DDO: variants seen among roughly 807,000 people sequenced by gnomAD.
The protein encoded by DDO is D-aspartate oxidase.
A neutral mutation model predicts 16.8 loss-of-function variants in DDO; 16 were observed. That is an observed-to-expected ratio of 0.95 (90% CI 0.65 to 1.45). The LOEUF is 1.45. Ranked by LOEUF, DDO falls within the 40% of genes most tolerant of loss-of-function variation. The pLI, the probability that DDO is intolerant of heterozygous loss-of-function variation, is 0.00. For synonymous variants in DDO, 180 were observed against 167.2 expected, an observed-to-expected ratio of 1.08 and a Z score of -0.59; for missense variants, 429 against 420.3, an observed-to-expected ratio of 1.02 and a Z score of -0.18.
intron 3 of DDO, among the ~76,000 whole-genome samples, chr6:110,406,956 T>TA (rs1216794671): frequency 6.6e-6 from 1 of 152,244 alleles, no homozygotes; most frequent in Non-Finnish European, 1.5e-5. Flanking sequence ...CTAGAGACCA[T>TA]AAGCTACATA....
In DDO at chr6:110,393,270, G is replaced by T; in HGVS notation, c.531C>A (p.Asp177Glu). The T allele has an allele frequency of 6.2e-7, 1 of 1,613,938 alleles. No individual in the cohort carries two copies. The highest frequency in any genetic ancestry group is 8.5e-7 in the Non-Finnish European group (1 of 1,179,846). Residue 177 changes from aspartate (D) to glutamate (E), a missense_variant, in exon 5 of 5, where the codon GAC becomes GAA. By Grantham distance (45) the Asp-to-Glu change is conservative. Coordinates refer to ENST00000368924, the MANE Select transcript of DDO (RefSeq NM_001372108.2). ...EDLWELHPSF[D>E]IVVNCSGLGS... ...CAAGGCCTGAACAGTTGACCACGAT[G>T]TCAAAGGACGGATGAAGTTCCCACA...
chr6:110,393,320 T>TCCAGCCTCCACTTCCCTTTATC lies in DDO; in HGVS notation c.459_480dup (p.Thr161AspfsTer24). The TCCAGCCTCCACTTCCCTTTATC allele has an allele frequency of 6.2e-7, 1 of 1,604,452 alleles. No individual in the cohort carries two copies. Among genetic ancestry groups the TCCAGCCTCCACTTCCCTTTATC allele is most frequent in the Non-Finnish European group, 8.5e-7 (1 of 1,173,126 alleles). On this transcript the variant is annotated frameshift_variant, in exon 5 of 5. Transcript: ENST00000368924. LOFTEE classifies it low-confidence loss of function (END_TRUNC). ...AGGTCTTCTATTCGCCGAGTGAGTG[T>TCCAGCCTCCACTTCCCTTTATC]CCAGCCTCCACTTCCCTTTATCCTA...
At chr6:110,405,096 G>T in intron 3 of DDO, 146 bp from the exon 4 acceptor site, 1 of 787,566 alleles carries the variant, frequency 1.3e-6, no homozygotes, top group Non-Finnish European at 2.0e-6. Flanking sequence ...GAGTGCAGTG[G>T]CACAATCATG....
In DDO at chr6:110,408,464, A is replaced by ACATTG. The variant is rs778648603; in HGVS notation, c.173-23_173-22insCAATG. The ACATTG allele has an allele frequency of 8.1e-6, 13 of 1,602,736 alleles. No homozygotes were observed. The Admixed American group carries it at 1.0e-4, about 12-fold the overall frequency. On this transcript the variant is annotated intron_variant, in intron 2 of 4. Coordinates refer to ENST00000368924, the MANE Select transcript of DDO (RefSeq NM_001372108.2). The stretch of plus-strand genomic sequence containing the variant: ...GTATCTGTAATCATGGAGAAAAGCA[A>ACATTG]AGTGGAACAGAAAGGAAAATGATGA...
In DDO at chr6:110,415,447, G is replaced by A; in HGVS notation, c.-5+20C>T. 1.2e-6 allele frequency: 2 copies of A among 1,613,880 alleles called. No homozygotes were observed. The highest frequency in any genetic ancestry group is 1.1e-5 in the South Asian group (1 of 91,050). On this transcript the variant is annotated intron_variant, in intron 1 of 4. Coordinates refer to ENST00000368924, the MANE Select transcript of DDO (RefSeq NM_001372108.2). ...GCATGGACGGAACGACCCCTCAGCT[G>A]AAAGCAAGAATTCAAGTACCTGTCT...
At chr6:110,389,778 G>A (rs146782277), downstream of DDO, among the ~76,000 whole-genome samples, 190 of 152,308 alleles carry the variant, frequency 1.2e-3, no homozygotes, top group African/African-American at 4.3e-3. Flanking sequence ...TGTGTGAATT[G>A]TTACAGAAGT....
chr6:110,411,194 A>G (rs1190374433), intron 2 of DDO, among the ~76,000 whole-genome samples: 2 of 152,116 alleles, frequency 1.3e-5, no homozygotes, highest in African/African-American at 4.8e-5. Context: ...ATGACATCAC[A>G]GATGTCCCCA....
At chr6:110,391,550 G>C (rs1165136414), downstream of DDO, among the ~76,000 whole-genome samples, 1 of 152,032 alleles carries the variant, frequency 6.6e-6, no homozygotes, top group Non-Finnish European at 1.5e-5. Flanking sequence ...GGCCAGGCTT[G>C]TCTTGAACTC....
chr6:110,406,948 A>G (rs1314889949), intron 3 of DDO, among the ~76,000 whole-genome samples: 4 of 152,222 alleles, frequency 2.6e-5, no homozygotes, highest in African/African-American at 9.6e-5. Flanking sequence ...TGCATTCCCT[A>G]GAGACCATAA....
At chr6:110,394,266 G>T (rs556699808) in intron 4 of DDO, among the ~76,000 whole-genome samples, 2 of 151,972 alleles carry the variant, frequency 1.3e-5, no homozygotes, top group Admixed American at 6.6e-5. Context: ...CACCATGCCC[G>T]GCTAATTTTT....
chr6:110,415,435 G>T, intron 1 of DDO, 32 bp downstream of exon 1: 1 of 1,613,018 alleles, frequency 6.2e-7, no homozygotes, highest in Non-Finnish European at 8.5e-7. Flanking sequence ...TGGACGGAAC[G>T]ACCCCTCAGC....
chr6:110,396,221 G>A (rs879786209), intron 4 of DDO, among the ~76,000 whole-genome samples: 4 of 152,190 alleles, frequency 2.6e-5, no homozygotes, highest in Non-Finnish European at 5.9e-5. Context: ...TCAAGCTGCT[G>A]GGCAGAGCTC....
intron 4 of DDO, among the ~76,000 whole-genome samples, chr6:110,403,413 A>T (rs1562262328): frequency 6.6e-6 from 1 of 152,180 alleles, no homozygotes; most frequent in South Asian, 2.1e-4. Context: ...CTCAGGAAAG[A>T]TGGTGATGCT....
intron 4 of DDO, among the ~76,000 whole-genome samples, chr6:110,398,822 A>T (rs553524780): frequency 2.0e-5 from 3 of 152,202 alleles, no homozygotes; most frequent in Non-Finnish European, 4.4e-5. Flanking sequence ...CAGGGCAAGT[A>T]GCTCAGTGTG....
Position 110,395,995 on chromosome 6 carries a change from C to T in DDO, c.459-2653G>A, listed in dbSNP as rs544653947. On this transcript the variant is annotated intron_variant, in intron 4 of 4. Coordinates refer to ENST00000368924, the MANE Select transcript of DDO (RefSeq NM_001372108.2). ...TTCAAGCCGAGATCCCGCCACTGCACTCAAGCCTAGGAGACAGAGCAAGAC... is the reference window on the plus strand; with the variant it reads ...TTCAAGCCGAGATCCCGCCACTGCATTCAAGCCTAGGAGACAGAGCAAGAC... Among the ~76,000 whole-genome samples, 7 of 152,210 alleles carry T rather than the reference C, an allele frequency of 4.6e-5. No homozygotes were observed. The East Asian group carries it at 1.4e-3, about 29-fold the overall frequency.
chr6:110,412,192 G>A (rs1773881093), intron 2 of DDO, among the ~76,000 whole-genome samples: 2 of 151,746 alleles, frequency 1.3e-5, no homozygotes, highest in South Asian at 2.1e-4. Context: ...GTTACAGTGA[G>A]TCAGTGAGCC....
chr6:110,394,108 A>AT (rs35107571), intron 4 of DDO, among the ~76,000 whole-genome samples: 46 of 147,982 alleles, frequency 3.1e-4, no homozygotes, highest in East Asian at 2.6e-3. Flanking sequence ...TCTTCAGAAT[A>AT]TTTTTTTTTT....
At chr6:110,398,402 A>ACC (rs1343835642) in intron 4 of DDO, among the ~76,000 whole-genome samples, 68 of 82,522 alleles carry the variant, frequency 8.2e-4, no homozygotes, top group Non-Finnish European at 1.2e-3. Context: ...ACACACACAC[A>ACC]CACACACACA....
chr6:110,393,008 G>A lies in DDO; in HGVS notation c.793C>T (p.Leu265Phe). Reference protein sequence around the residue: ...LSRCCALEPSLHGACNIREKV... With the variant: ...LSRCCALEPSFHGACNIREKV... ...TCCCTGATGTTGCAGGCTCCGTGGA[G>A]GGAGGGCTCCAGAGCACAGCATCGG... is the stretch of plus-strand genomic sequence containing the variant. The change falls in exon 5 of 5, where the codon CTC (leucine) becomes TTC (phenylalanine). Residue 265 changes from leucine to phenylalanine, a missense_variant. Leu to Phe is a conservative substitution (Grantham distance 22). Transcript: ENST00000368924. 1 of 1,611,048 alleles carries A rather than the reference G, an allele frequency of 6.2e-7. No individual in the cohort carries two copies. The highest frequency in any genetic ancestry group is 8.5e-7 in the Non-Finnish European group (1 of 1,177,332).
Sources: gnomAD v4.1 joint callset for allele counts (sites outside exome capture counted in the v4.1 genomes callset) on GRCh38, gnomAD v4.1.1 for gene constraint, MANE v1.5 for transcripts, NCBI Gene and HGNC (gene_info 2026-07-23, HGNC 2026-07-21) for gene names.